Variants in CDH12 observed in about 807,000 individuals in gnomAD.
The protein encoded by CDH12 is cadherin-12.
A neutral mutation model predicts 74.1 loss-of-function variants in CDH12; 41 were observed. That is an observed-to-expected ratio of 0.55 (90% confidence interval 0.43 to 0.72). The LOEUF is 0.72. CDH12 is among the 30% of genes least tolerant of loss of function. The pLI is 0.00. For missense variants in CDH12, 945 were observed against 977.2 expected (o/e 0.97, Z 0.44); for synonymous variants, 399 against 355.0 (o/e 1.12, Z -1.39).
intron 1 of CDH12, among the ~76,000 whole-genome samples, chr5:22,564,998 G>A (rs1561493634): frequency 6.6e-6 from 1 of 152,090 alleles, no homozygotes; most frequent in Non-Finnish European, 1.5e-5. Context: ...GTGCAGTGGA[G>A]CAATCTCGGG....
At chr5:22,727,660 T>A (rs1380001541) in intron 1 of CDH12, among the ~76,000 whole-genome samples, 9 of 151,770 alleles carry the variant, frequency 5.9e-5, no homozygotes, top group Non-Finnish European at 1.3e-4. Context: ...TCCTTTTTCT[T>A]CTGCCTGAAA....
intron 1 of CDH12, among the ~76,000 whole-genome samples, chr5:22,534,124 C>T (rs1047719839): frequency 1.2e-4 from 18 of 152,108 alleles, no homozygotes; most frequent in African/African-American, 4.3e-4. Context: ...GCTCTTCTCC[C>T]CTTGCTTTAA....
intron 6 of CDH12, among the ~76,000 whole-genome samples, chr5:21,924,157 G>A (rs969649832): frequency 6.6e-6 from 1 of 152,206 alleles, no homozygotes; most frequent in Non-Finnish European, 1.5e-5. Flanking sequence ...TAGCAACCAT[G>A]CACTTTTTTC....
chr5:22,094,250 G>C (rs546712695), intron 4 of CDH12, among the ~76,000 whole-genome samples: 3 of 152,156 alleles, frequency 2.0e-5, no homozygotes, highest in Non-Finnish European at 4.4e-5. Context: ...TTATTTTCTA[G>C]ACTAAGCCTT....
chr5:22,427,091 G>A (rs926108261), intron 2 of CDH12, among the ~76,000 whole-genome samples: 2 of 152,098 alleles, frequency 1.3e-5, no homozygotes, highest in Admixed American at 1.3e-4. Flanking sequence ...CTCTTTTAGA[G>A]ATGGATATCT....
At chr5:22,045,647 A>G (rs542842132) in intron 5 of CDH12, among the ~76,000 whole-genome samples, 19 of 151,994 alleles carry the variant, frequency 1.3e-4, no homozygotes, top group African/African-American at 4.6e-4. Context: ...GGGACAATAT[A>G]GATAAAGTTG....
chr5:22,726,638 T>C (rs1744177701), intron 1 of CDH12, among the ~76,000 whole-genome samples: 1 of 151,866 alleles, frequency 6.6e-6, no homozygotes, highest in Non-Finnish European at 1.5e-5. Flanking sequence ...GTTACTGTTT[T>C]ATATTTTGGC....
intron 10 of CDH12, among the ~76,000 whole-genome samples, chr5:21,791,031 A>G (rs1470662079): frequency 1.3e-5 from 2 of 151,942 alleles, no homozygotes; most frequent in Non-Finnish European, 2.9e-5. Context: ...TCTGCATGAT[A>G]CCCTCCAACA....
intron 5 of CDH12, among the ~76,000 whole-genome samples, chr5:22,003,824 C>CAA (rs775995801): frequency 0.22 from 10,491 of 47,810 alleles, 980 homozygotes; most frequent in South Asian, 0.25. Flanking sequence ...CCCGCTTCCA[C>CAA]AAAAAAAAAA....
chr5:21,891,684 G>A (rs1244581004), intron 6 of CDH12, among the ~76,000 whole-genome samples: 2 of 151,970 alleles, frequency 1.3e-5, no homozygotes, highest in African/African-American at 2.4e-5. Flanking sequence ...GTGTTTGGAT[G>A]TAGCCAAAAT....
At chr5:22,495,383 A>C (rs1747064772) in intron 2 of CDH12, among the ~76,000 whole-genome samples, 1 of 152,168 alleles carries the variant, frequency 6.6e-6, no homozygotes, top group Non-Finnish European at 1.5e-5. Flanking sequence ...ATATTATTAA[A>C]AGTGAGAAAA....
chr5:22,410,028 T>C (rs1743111100), intron 2 of CDH12, among the ~76,000 whole-genome samples: 1 of 152,106 alleles, frequency 6.6e-6, no homozygotes, highest in Admixed American at 6.6e-5. Flanking sequence ...TTCTCACTAG[T>C]TTAATTAAAA....
At chr5:22,275,530 T>A (rs187776701) in intron 3 of CDH12, among the ~76,000 whole-genome samples, 1 of 152,088 alleles carries the variant, frequency 6.6e-6, no homozygotes, top group Non-Finnish European at 1.5e-5. Flanking sequence ...TTAAAATTAG[T>A]TTTGAGTCAT....
At chr5:22,544,581 C>T (rs989712745) in intron 1 of CDH12, among the ~76,000 whole-genome samples, 8 of 151,912 alleles carry the variant, frequency 5.3e-5, no homozygotes, top group Admixed American at 3.9e-4. Context: ...TTCGAGAGGC[C>T]GAGGTGGGAG....
chr5:21,843,111 ACCT>A (rs1164778548), intron 7 of CDH12, among the ~76,000 whole-genome samples: 1 of 152,088 alleles, frequency 6.6e-6, no homozygotes, highest in Non-Finnish European at 1.5e-5. Context: ...AAGAACCAAA[ACCT>A]CCTGGATTAT....
intron 1 of CDH12, among the ~76,000 whole-genome samples, chr5:22,811,321 A>G (rs558648889): frequency 6.6e-6 from 1 of 152,252 alleles, no homozygotes; most frequent in Admixed American, 6.5e-5. Context: ...TGCAAATCCC[A>G]ACTTAGACAA....
chr5:22,248,973 A>AT (rs1561254186), intron 3 of CDH12, among the ~76,000 whole-genome samples: 1 of 152,164 alleles, frequency 6.6e-6, no homozygotes, highest in South Asian at 2.1e-4. Context: ...TCCACAATTT[A>AT]TTTTTTCTTT....
At chr5:22,004,156 A>G (rs1003156361) in intron 5 of CDH12, among the ~76,000 whole-genome samples, 1 of 152,188 alleles carries the variant, frequency 6.6e-6, no homozygotes, top group African/African-American at 2.4e-5. Flanking sequence ...CCGTTCTTCT[A>G]AAACAGCCAC....
intron 4 of CDH12, among the ~76,000 whole-genome samples, chr5:22,160,814 A>G (rs1748300599): frequency 6.6e-6 from 1 of 152,192 alleles, no homozygotes; most frequent in Admixed American, 6.5e-5. Context: ...ACGACTAATC[A>G]GCTCCTAAAA....
Sources: gnomAD v4.1 joint callset for allele counts (sites outside exome capture counted in the v4.1 genomes callset) on GRCh38, gnomAD v4.1.1 for gene constraint, MANE v1.5 for transcripts, NCBI Gene and HGNC (gene_info 2026-07-23, HGNC 2026-07-21) for gene names.